CNTNAP5: variants seen among roughly 807,000 people sequenced by gnomAD.
CNTNAP5 encodes contactin-associated protein-like 5.
Under a neutral mutation model 150.2 loss-of-function variants are expected in CNTNAP5, and 72 were observed. That is an observed-to-expected ratio of 0.48 (90% CI 0.40 to 0.58). The LOEUF (loss-of-function observed/expected upper bound fraction) is 0.58. Ranked by LOEUF, CNTNAP5 falls within the 20% of genes least tolerant of loss-of-function variation. The pLI, the probability that CNTNAP5 is intolerant of heterozygous loss-of-function variation, is 0.00. For missense variants in CNTNAP5, 1,636 were observed against 1,626.2 expected (o/e 1.01, Z -0.10); for synonymous variants, 672 against 619.8 (o/e 1.08, Z -1.25).
At chr2:124,361,958 G>A (rs1453802297) in intron 3 of CNTNAP5, among the ~76,000 whole-genome samples, 4 of 152,226 alleles carry the variant, frequency 2.6e-5, no homozygotes, top group African/African-American at 9.6e-5. Flanking sequence ...AGCAATCAGC[G>A]AGACTTCGTG....
Position 124,266,040 on chromosome 2 carries a change from C to T in CNTNAP5, c.381+23647C>T, listed in dbSNP as rs530634967. Among the ~76,000 whole-genome samples, 11 of 152,230 alleles carry T rather than the reference C, an allele frequency of 7.2e-5. No individual in the cohort carries two copies. In the South Asian group the frequency reaches 8.3e-4, roughly 11 times the overall value. On this transcript the variant is annotated intron_variant, in intron 3 of 23. Transcript: ENST00000682447. Reference sequence around the variant, plus strand: ...ACCAGGCTCCCATCCTTATTAGCTCCGTGGCTTTGAGCAAGTTGCTTAATC... The same window carrying T: ...ACCAGGCTCCCATCCTTATTAGCTCTGTGGCTTTGAGCAAGTTGCTTAATC...
intron 1 of CNTNAP5, among the ~76,000 whole-genome samples, chr2:124,059,810 AG>A (rs1304542481): frequency 1.3e-5 from 2 of 152,038 alleles, no homozygotes; most frequent in African/African-American, 2.4e-5. Context: ...GAGTTCCTCA[AG>A]GGCAAGAGCC....
intron 12 of CNTNAP5, among the ~76,000 whole-genome samples, chr2:124,622,787 C>A (rs899832724): frequency 6.6e-6 from 1 of 152,128 alleles, no homozygotes; most frequent in Non-Finnish European, 1.5e-5. Context: ...TATACAAAAG[C>A]AAGCTGAGTT....
chr2:124,772,319 A>C (rs534311513), intron 16 of CNTNAP5, among the ~76,000 whole-genome samples: 1 of 152,202 alleles, frequency 6.6e-6, no homozygotes, highest in African/African-American at 2.4e-5. Context: ...GGACAAGGCG[A>C]TACAACTTTC....
chr2:124,740,921 C>T (rs988302541), intron 13 of CNTNAP5, among the ~76,000 whole-genome samples: 1 of 152,152 alleles, frequency 6.6e-6, no homozygotes, highest in African/African-American at 2.4e-5. Flanking sequence ...GAGGTCTACA[C>T]TGGAACTGAA....
chr2:124,891,180 T>C (rs993685425), intron 21 of CNTNAP5, among the ~76,000 whole-genome samples: 1 of 152,096 alleles, frequency 6.6e-6, no homozygotes, highest in African/African-American at 2.4e-5. Context: ...GATATATGGC[T>C]AGTGGCTGGG....
chr2:124,804,183 G>C (rs761320929), intron 19 of CNTNAP5, among the ~76,000 whole-genome samples: 3 of 152,134 alleles, frequency 2.0e-5, no homozygotes, highest in African/African-American at 7.2e-5. Context: ...ACAGTAATGA[G>C]GTTATGAGAC....
intron 1 of CNTNAP5, among the ~76,000 whole-genome samples, chr2:124,163,979 CA>C (rs1233779596): frequency 1.3e-5 from 2 of 152,102 alleles, no homozygotes; most frequent in East Asian, 3.9e-4. Flanking sequence ...GGAGTCTATC[CA>C]AAACATTCAT....
chr2:124,312,050 CA>C (rs1553457237), intron 3 of CNTNAP5, among the ~76,000 whole-genome samples: 1 of 152,104 alleles, frequency 6.6e-6, no homozygotes, highest in Non-Finnish European at 1.5e-5. Flanking sequence ...CCTGGAACAG[CA>C]AAGGTAATAA....
At chr2:124,604,258 T>A (rs1408451800) in intron 11 of CNTNAP5, among the ~76,000 whole-genome samples, 1 of 152,208 alleles carries the variant, frequency 6.6e-6, no homozygotes, top group Non-Finnish European at 1.5e-5. Context: ...AGTAATTTAG[T>A]TTCTGTTGAT....
At chr2:124,477,799 G>A (rs1693676713) in intron 7 of CNTNAP5, among the ~76,000 whole-genome samples, 1 of 151,728 alleles carries the variant, frequency 6.6e-6, no homozygotes, top group African/African-American at 2.4e-5. Flanking sequence ...GACACAGATT[G>A]TGATTGGAGC....
chr2:124,554,905 A>T (rs1322398826), intron 10 of CNTNAP5, among the ~76,000 whole-genome samples: 2 of 152,190 alleles, frequency 1.3e-5, no homozygotes, highest in Non-Finnish European at 2.9e-5. Context: ...TTCATAAGAG[A>T]AAAGAAAAAT....
At chr2:124,746,351 A>G (rs1227104862) in intron 13 of CNTNAP5, among the ~76,000 whole-genome samples, 1 of 152,220 alleles carries the variant, frequency 6.6e-6, no homozygotes, top group Non-Finnish European at 1.5e-5. Context: ...CATTTTGTAA[A>G]GAAAAAAATT....
intron 7 of CNTNAP5, among the ~76,000 whole-genome samples, chr2:124,483,948 T>C (rs1693813121): frequency 6.6e-6 from 1 of 152,238 alleles, no homozygotes; most frequent in South Asian, 2.1e-4. Flanking sequence ...TTTGCCCTTA[T>C]GGTTTGACCC....
At chr2:124,310,460 G>A (rs1374156091) in intron 3 of CNTNAP5, among the ~76,000 whole-genome samples, 1 of 152,120 alleles carries the variant, frequency 6.6e-6, no homozygotes, top group African/African-American at 2.4e-5. Flanking sequence ...GGTCGGGATT[G>A]GCTAGAATCG....
chr2:124,857,698 G>T (rs1176687806), intron 19 of CNTNAP5, among the ~76,000 whole-genome samples: 1 of 151,898 alleles, frequency 6.6e-6, no homozygotes, highest in African/African-American at 2.4e-5. Context: ...TAGTTAGCTG[G>T]GCACGGTGGC....
chr2:124,356,427 A>G (rs1219814571), intron 3 of CNTNAP5, among the ~76,000 whole-genome samples: 1 of 149,810 alleles, frequency 6.7e-6, no homozygotes, highest in Admixed American at 6.7e-5. Flanking sequence ...ATCTAGCATT[A>G]GGTATATCTC....
intron 1 of CNTNAP5, among the ~76,000 whole-genome samples, chr2:124,075,579 G>T (rs1481110366): frequency 6.6e-6 from 1 of 152,068 alleles, no homozygotes; most frequent in East Asian, 1.9e-4. Flanking sequence ...TAATCCCAGT[G>T]TTATCATTTT....
chr2:124,458,432 A>T (rs773559399), intron 6 of CNTNAP5, among the ~76,000 whole-genome samples: 1 of 151,570 alleles, frequency 6.6e-6, no homozygotes, highest in African/African-American at 2.4e-5. Context: ...AAAACCAAAC[A>T]TCGTCTGTTC....
Sources: gnomAD v4.1 joint callset for allele counts (sites outside exome capture counted in the v4.1 genomes callset) on GRCh38, gnomAD v4.1.1 for gene constraint, MANE v1.5 for transcripts, NCBI Gene and HGNC (gene_info 2026-07-23, HGNC 2026-07-21) for gene names.